Variants in SLC43A3 observed in about 807,000 individuals in gnomAD.
SLC43A3 encodes equilibrative nucleobase transporter 1.
In SLC43A3, 33 loss-of-function variants were observed where a neutral mutation model predicts 53.3. The observed-to-expected ratio is 0.62, with a 90% CI of 0.47 to 0.83. The LOEUF is 0.83. Among genes scored for constraint, SLC43A3 ranks in the 40% least tolerant of loss-of-function variants. The probability of loss-of-function intolerance (pLI) is 0.00; values close to 1 mark genes in which losing one functional copy is unlikely to be tolerated. For missense variants in SLC43A3, 530 were observed against 610.0 expected, an observed-to-expected ratio of 0.87 and a Z score of 1.38; for synonymous variants, 236 against 246.2, an observed-to-expected ratio of 0.96 and a Z score of 0.39.
chr11:57,409,019 C>T (rs952689940), intron 13 of SLC43A3, among the ~76,000 whole-genome samples, 156 bp downstream of exon 13: 1 of 152,210 alleles, frequency 6.6e-6, no homozygotes, highest in Non-Finnish European at 1.5e-5. Context: ...TGTTTCCCCA[C>T]ACACACAAAT....
intron 13 of SLC43A3, chr11:57,408,643 C>T (rs980268522): frequency 1.3e-5 from 2 of 153,426 alleles, no homozygotes; most frequent in Non-Finnish European, 2.9e-5. Context: ...AGATTTGCTG[C>T]TTTAAAAATA....
At chr11:57,422,257 C>T (rs190799817) in intron 5 of SLC43A3, among the ~76,000 whole-genome samples, 92 of 152,328 alleles carry the variant, frequency 6.0e-4, no homozygotes, top group Non-Finnish European at 2.9e-5. Context: ...TAGAAAGTAA[C>T]TGTCAAAATA....
chr11:57,426,407 G>A (rs1943199166), intron 2 of SLC43A3, 55 bp from the exon 3 acceptor site: 1 of 552,340 alleles, frequency 1.8e-6, no homozygotes, highest in Non-Finnish European at 3.2e-6. Flanking sequence ...AAAGGGAAAG[G>A]TAGACTAGAG....
chr11:57,407,692 T>TGTGTGTGTG lies in SLC43A3; in HGVS notation c.*99_*100insCACACACAC, dbSNP rs1472187502. On this transcript the variant is annotated 3_prime_UTR_variant, in exon 14 of 14. Transcript: ENST00000395124. ...GTGTGTGTGTGTGTGTGTGTGTGTGTTTTGCTGGGATAGGCAAAGTCTTTT... is the reference window on the plus strand; with the variant it reads ...GTGTGTGTGTGTGTGTGTGTGTGTGTGTGTGTGTGTTTGCTGGGATAGGCAAAGTCTTTT... The TGTGTGTGTG allele has an allele frequency of 3.7e-5, 25 of 679,656 alleles. No homozygotes were observed. Among genetic ancestry groups the TGTGTGTGTG allele is most frequent in the Non-Finnish European group, 5.1e-5 (19 of 373,830 alleles). 42.1% of individuals were successfully genotyped at this position (679,656 alleles called of 1,614,324 possible).
At chr11:57,419,995 T>C (rs987328419) in intron 7 of SLC43A3, among the ~76,000 whole-genome samples, 1 of 152,110 alleles carries the variant, frequency 6.6e-6, no homozygotes, top group Non-Finnish European at 1.5e-5. Flanking sequence ...GTCTGGGTGG[T>C]GACTGCCAGA....
At position 57,417,830 on chromosome 11, in the gene SLC43A3, T is replaced by C; in HGVS notation, c.589A>G (p.Ser197Gly). ...AAAGTGCGTGCTACATGCCAGGTAC[T>C]GCAGACAGAGATGAAGATGAAGGAG... ...RASFIFISVC[S>G]TWHVARTFLL... The change falls in exon 8 of 14, where the codon AGT becomes GGT. Residue 197 changes from serine to glycine, a missense_variant. By Grantham distance (56) the Ser-to-Gly change is moderately conservative. Around this residue, in one of 3 missense-constraint regions of SLC43A3, gnomAD observed 376 missense variants for 386.7 expected, o/e 0.97. Coordinates refer to ENST00000395124, the MANE Select transcript of SLC43A3 (RefSeq NM_199329.3). 1 of 1,614,196 alleles carries C rather than the reference T, an allele frequency of 6.2e-7. No individual in the cohort carries two copies. Among genetic ancestry groups the C allele is most frequent in the Non-Finnish European group, 8.5e-7 (1 of 1,180,032 alleles).
intron 3 of SLC43A3, 123 bp downstream of exon 3, chr11:57,425,866 G>A (rs933042694): frequency 7.4e-7 from 1 of 1,345,588 alleles, no homozygotes; most frequent in African/African-American, 1.4e-5. Flanking sequence ...AGTGGGGTGA[G>A]AGCTGCTGAC....
chr11:57,414,978 G>A lies in SLC43A3; in HGVS notation c.898C>T (p.Leu300Phe), dbSNP rs201923697. 2 of 1,613,918 alleles carry A rather than the reference G, an allele frequency of 1.2e-6. No individual in the cohort carries two copies. Among genetic ancestry groups the A allele is most frequent in the East Asian group, 4.5e-5 (2 of 44,876 alleles). ...GCCATGTTGGTCAGCAAGGAGTTGA[G>A]AGTGCCAATGAAGAGGTAGTGCCAC... ...QLWHYLFIGTLNSLLTNMAGG... is the reference protein window; with the variant it reads ...QLWHYLFIGTFNSLLTNMAGG... Residue 300 changes from leucine to phenylalanine, a missense_variant, in exon 10 of 14, where the codon CTC becomes TTC. Physicochemically the swap from Leu to Phe is conservative, Grantham distance 22. This residue lies in a region of SLC43A3 where 376 missense variants were observed against 386.7 expected (regional missense o/e 0.97). Transcript: ENST00000395124.
chr11:57,425,842 C>T, intron 3 of SLC43A3, 147 bp downstream of exon 3: 1 of 1,344,540 alleles, frequency 7.4e-7, no homozygotes. Context: ...CCCTCCCAGG[C>T]ACTTCCCAGA....
In SLC43A3 at chr11:57,415,439, G is replaced by C. The variant is rs750892514; in HGVS notation, c.770-333C>G. On this transcript the variant is annotated intron_variant, in intron 9 of 13. Coordinates refer to ENST00000395124, the MANE Select transcript of SLC43A3 (RefSeq NM_199329.3). Reference sequence around the variant, plus strand: ...GGTGAAAGGAACGACAAGGAGAGGAGAAAGTCAGAAGGGAGAGGAGAATGA... The same window carrying C: ...GGTGAAAGGAACGACAAGGAGAGGACAAAGTCAGAAGGGAGAGGAGAATGA... 7.6e-6 allele frequency: 10 copies of C among 1,322,272 alleles called. No individual in the cohort carries two copies. The South Asian group carries it at 1.2e-4, about 16-fold the overall frequency. The allele number at this position is 1,322,272 out of a possible 1,614,324, so 81.9% of individuals were successfully genotyped here. A position where few individuals can be genotyped will look rare whatever the true frequency, so the allele number is the denominator to read the frequency against.
chr11:57,424,079 G>A (rs770675942), intron 4 of SLC43A3, 51 bp from the exon 5 acceptor site: 42 of 1,575,830 alleles, frequency 2.7e-5, no homozygotes, highest in Non-Finnish European at 3.4e-5. Context: ...GGAGAAACCT[G>A]GGAGAAAAAA....
At chr11:57,426,470 T>G in intron 2 of SLC43A3, 118 bp from the exon 3 acceptor site, 1 of 415,020 alleles carries the variant, frequency 2.4e-6, no homozygotes. Flanking sequence ...TGGCAGCAAA[T>G]GTGGGGAATA....
rs1419991098 is a variant in SLC43A3 at position 57,414,690 on chromosome 11, C to G, written c.985G>C (p.Val329Leu). The change falls in exon 11 of 14, where the codon GTG becomes CTG. Residue 329 changes from valine to leucine, a missense_variant. By Grantham distance (32) the Val-to-Leu change is conservative. Around this residue, in one of 3 missense-constraint regions of SLC43A3, gnomAD observed 376 missense variants for 386.7 expected, o/e 0.97. Coordinates refer to ENST00000395124, the MANE Select transcript of SLC43A3 (RefSeq NM_199329.3). ...TNAFAFTQFG[V>L]LCAPWNGLLM... Reference sequence around the variant, plus strand: ...AGGCCATTCCAGGGGGCACACAGCACTCCGAACTGAGTGAAGGCAAAGGCA... The same window carrying G: ...AGGCCATTCCAGGGGGCACACAGCAGTCCGAACTGAGTGAAGGCAAAGGCA... The G allele has an allele frequency of 6.2e-7, 1 of 1,614,090 alleles. No homozygotes were observed. The highest frequency in any genetic ancestry group is 2.2e-5 in the East Asian group (1 of 44,868).
intron 13 of SLC43A3, 105 bp from the exon 14 acceptor site, chr11:57,408,001 G>C: frequency 1.4e-6 from 1 of 711,646 alleles, no homozygotes; most frequent in African/African-American, 1.8e-5. Context: ...GAAGGGACCA[G>C]AAGTCTACCG....
intron 4 of SLC43A3, 62 bp downstream of exon 4, chr11:57,425,479 T>C: frequency 6.4e-7 from 1 of 1,569,492 alleles, no homozygotes; most frequent in South Asian, 1.1e-5. Context: ...CACTCCAAGC[T>C]AGGCTGCTGC....
intron 11 of SLC43A3, among the ~76,000 whole-genome samples, chr11:57,410,927 T>C (rs1226166957): frequency 6.6e-6 from 1 of 152,158 alleles, no homozygotes; most frequent in African/African-American, 2.4e-5. Context: ...GCCACCACCG[T>C]GTAAGAAGTG....
chr11:57,415,665 T>C (rs769246376), intron 9 of SLC43A3, among the ~76,000 whole-genome samples: 2 of 152,262 alleles, frequency 1.3e-5, no homozygotes, highest in Non-Finnish European at 2.9e-5. Flanking sequence ...GAGTTTAGAT[T>C]AGGATGGACT....
rs1565100475 is a variant in SLC43A3 at position 57,420,275 on chromosome 11, G to A, written c.531+697C>T. 2.6e-5 allele frequency among the ~76,000 whole-genome samples: 4 copies of A among 152,184 alleles called. No individual in the cohort carries two copies. In the South Asian group the frequency reaches 8.3e-4, roughly 32 times the overall value. On this transcript the variant is annotated intron_variant, in intron 7 of 13. Transcript: ENST00000395124. The stretch of plus-strand genomic sequence containing the variant: ...TACTCTGCTTTCACCTTGCGTCAGG[G>A]AAGAAAAGTCCCCTTGAATCTTCCA...
chr11:57,425,394 G>C (rs901620439), intron 4 of SLC43A3, 147 bp downstream of exon 4: 18 of 769,820 alleles, frequency 2.3e-5, no homozygotes, highest in Non-Finnish European at 3.5e-5. Context: ...GCCTGGGGCT[G>C]TTCCTAACAG....
Sources: allele counts gnomAD v4.1 joint callset (sites outside exome capture counted in the v4.1 genomes callset), GRCh38; gene constraint gnomAD v4.1.1; regional missense constraint gnomAD v4.1.1; transcripts MANE v1.5; gene names NCBI Gene and HGNC (gene_info 2026-07-23, HGNC 2026-07-21).